PITPNC1: variants seen among roughly 807,000 people sequenced by gnomAD.
PITPNC1 encodes phosphatidylinositol transfer protein cytoplasmic 1.
Under a neutral mutation model 44.7 loss-of-function variants are expected in PITPNC1, and 18 were observed. The ratio of observed to expected loss-of-function variants is 0.40; its 90% CI spans 0.28 to 0.60. PITPNC1 has a LOEUF of 0.60. Ranked by LOEUF, PITPNC1 falls within the 20% of genes least tolerant of loss-of-function variation. PITPNC1 has a pLI of 0.39. For synonymous variants in PITPNC1, 141 were observed against 149.6 expected (o/e 0.94, Z 0.42); for missense variants, 290 against 418.4 (o/e 0.69, Z 2.68).
At chr17:67,489,731 G>A (rs1194058059) in intron 1 of PITPNC1, among the ~76,000 whole-genome samples, 2 of 152,088 alleles carry the variant, frequency 1.3e-5, no homozygotes, top group Admixed American at 6.6e-5. Flanking sequence ...TTGTCTTTTT[G>A]GTTATTTCTT....
intron 6 of PITPNC1, among the ~76,000 whole-genome samples, chr17:67,654,502 CAG>C (rs1290530495): frequency 6.6e-6 from 1 of 152,224 alleles, no homozygotes; most frequent in Non-Finnish European, 1.5e-5. Context: ...CAGCATCTCT[CAG>C]GGCATCCTTG....
intron 1 of PITPNC1, among the ~76,000 whole-genome samples, chr17:67,420,460 GTCTT>G (rs1406567401): frequency 2.3e-5 from 3 of 132,274 alleles, no homozygotes; most frequent in South Asian, 2.5e-4. Context: ...TCTTTCTTGA[GTCTT>G]TCTCTGTTGC....
At chr17:67,678,200 A>G (rs1197533278) in intron 8 of PITPNC1, among the ~76,000 whole-genome samples, 1 of 142,664 alleles carries the variant, frequency 7.0e-6, no homozygotes, top group African/African-American at 2.7e-5. Flanking sequence ...TGGGTGACCG[A>G]ACAAGACCTC....
At chr17:67,385,480 C>G (rs913348874) in intron 1 of PITPNC1, among the ~76,000 whole-genome samples, 1 of 144,882 alleles carries the variant, frequency 6.9e-6, no homozygotes, top group African/African-American at 2.5e-5. Flanking sequence ...CTGACCACCC[C>G]TCCCCCCTCC....
chr17:67,427,044 G>A (rs1021100196), intron 1 of PITPNC1, among the ~76,000 whole-genome samples: 1 of 152,090 alleles, frequency 6.6e-6, no homozygotes, highest in Middle Eastern at 3.2e-3. Flanking sequence ...TGGCACCGAG[G>A]TGCTGTCTCA....
chr17:67,501,438 A>G (rs1270182296), intron 1 of PITPNC1, among the ~76,000 whole-genome samples: 1 of 152,092 alleles, frequency 6.6e-6, no homozygotes, highest in Non-Finnish European at 1.5e-5. Flanking sequence ...TCAACATTTT[A>G]TTAAATTTAT....
intron 1 of PITPNC1, among the ~76,000 whole-genome samples, chr17:67,461,035 G>A (rs1008497029): frequency 1.3e-5 from 2 of 152,068 alleles, no homozygotes; most frequent in Admixed American, 6.6e-5. Flanking sequence ...GAGCCACTGC[G>A]CCCGGCCAGT....
chr17:67,468,581 T>C (rs1396217855), intron 1 of PITPNC1, among the ~76,000 whole-genome samples: 1 of 150,630 alleles, frequency 6.6e-6, no homozygotes, highest in Non-Finnish European at 1.5e-5. Flanking sequence ...TTTTTTGTAG[T>C]TTTAGTAGAG....
At chr17:67,578,946 C>T (rs1048741244) in intron 5 of PITPNC1, among the ~76,000 whole-genome samples, 7 of 152,200 alleles carry the variant, frequency 4.6e-5, no homozygotes, top group African/African-American at 1.7e-4. Context: ...TGCACCACTG[C>T]ACTTCAGCCT....
In PITPNC1 at chr17:67,626,279, C is replaced by G. The variant is rs1397419131; in HGVS notation, c.367-5864C>G. The stretch of plus-strand genomic sequence containing the variant: ...GGGATTACAGGGATGAGCCGCTGTT[C>G]CCAGTTAGACTAAGATTTTAATTTA... On this transcript the variant is annotated intron_variant, in intron 5 of 8. Transcript: ENST00000581322. Among the ~76,000 whole-genome samples the G allele has an allele frequency of 2.0e-5, 3 of 152,076 alleles. No homozygotes were observed. The East Asian group carries it at 5.8e-4, about 29-fold the overall frequency.
In PITPNC1 at chr17:67,620,883, C is replaced by T. The variant is rs138722334; in HGVS notation, c.367-11260C>T. Among the ~76,000 whole-genome samples, 4 of 152,320 alleles carry T rather than the reference C, an allele frequency of 2.6e-5. No individual in the cohort carries two copies. The East Asian group carries it at 7.7e-4, about 29-fold the overall frequency. On this transcript the variant is annotated intron_variant, in intron 5 of 8. Coordinates refer to ENST00000581322, the MANE Select transcript of PITPNC1 (RefSeq NM_012417.4). Reference sequence around the variant, plus strand: ...TTCAATTCCATTCTAAGACCAAGGTCAGTACGGGAGTGGATCTGGGGTCAT... The same window carrying T: ...TTCAATTCCATTCTAAGACCAAGGTTAGTACGGGAGTGGATCTGGGGTCAT...
At chr17:67,629,721 CACTTGA>C (rs1209288513) in intron 5 of PITPNC1, among the ~76,000 whole-genome samples, 3 of 152,246 alleles carry the variant, frequency 2.0e-5, no homozygotes, top group East Asian at 1.9e-4. Flanking sequence ...CTTATTTCTC[CACTTGA>C]ACTTGAACTT....
chr17:67,597,197 A>G lies in PITPNC1; in HGVS notation c.366+18940A>G, dbSNP rs1010091675. Among the ~76,000 whole-genome samples, 3 of 152,074 alleles carry G rather than the reference A, an allele frequency of 2.0e-5. No homozygotes were observed. The highest frequency in any genetic ancestry group is 4.4e-5 in the Non-Finnish European group (3 of 67,990). Reference sequence around the variant, plus strand: ...GCATGAGCCACCATGCCTGGCCCCAAATAATTTATATAAGCCATTTATCAT... The same window carrying G: ...GCATGAGCCACCATGCCTGGCCCCAGATAATTTATATAAGCCATTTATCAT... On this transcript the variant is annotated intron_variant, in intron 5 of 8. Coordinates refer to ENST00000581322, the MANE Select transcript of PITPNC1 (RefSeq NM_012417.4). This position sits in a 1 kb window ranked among gnomAD's most constrained non-coding sequence, Gnocchi z 4.0.
chr17:67,670,233 A>G (rs1377540597), intron 7 of PITPNC1, among the ~76,000 whole-genome samples: 1 of 152,154 alleles, frequency 6.6e-6, no homozygotes, highest in Non-Finnish European at 1.5e-5. Context: ...GTATTTGGGA[A>G]ACACACTTCT....
intron 6 of PITPNC1, among the ~76,000 whole-genome samples, chr17:67,639,742 C>CT (rs2042071929): frequency 6.6e-6 from 1 of 152,180 alleles, no homozygotes; most frequent in South Asian, 2.1e-4. Flanking sequence ...GTTGAATTCT[C>CT]TGTTAAGGGA....
intron 1 of PITPNC1, chr17:67,456,894 A>G (rs764092399): frequency 3.3e-5 from 5 of 152,114 alleles, no homozygotes; most frequent in Non-Finnish European, 7.4e-5. Flanking sequence ...TCATCTTTCA[A>G]TGACTCTCTT....
chr17:67,540,406 A>T (rs1440718236), intron 2 of PITPNC1, among the ~76,000 whole-genome samples: 1 of 152,136 alleles, frequency 6.6e-6, no homozygotes, highest in African/African-American at 2.4e-5. Flanking sequence ...CACCTGGCCT[A>T]TTCCTTTTTT....
At chr17:67,641,878 G>C (rs991755235) in intron 6 of PITPNC1, among the ~76,000 whole-genome samples, 1 of 151,784 alleles carries the variant, frequency 6.6e-6, no homozygotes, top group Admixed American at 6.6e-5. Context: ...TGGACATTTA[G>C]GGTGTTTCCA....
intron 1 of PITPNC1, among the ~76,000 whole-genome samples, chr17:67,390,640 C>T (rs1043487594): frequency 2.0e-5 from 3 of 152,178 alleles, no homozygotes; most frequent in Non-Finnish European, 4.4e-5. Context: ...GGCTAACTGG[C>T]TATTTAAACC....
Sources: allele counts gnomAD v4.1 joint callset (sites outside exome capture counted in the v4.1 genomes callset), GRCh38; gene constraint gnomAD v4.1.1; non-coding constraint Gnocchi (gnomAD v3.1); transcripts MANE v1.5; gene names NCBI Gene and HGNC (gene_info 2026-07-23, HGNC 2026-07-21).